The following LRP2 variants were observed in gnomAD, a reference collection of about 807,000 sequenced individuals.
The protein encoded by LRP2 is LDL receptor related protein 2, also known as low-density lipoprotein receptor-related protein 2.
LRP2 carries 172 observed loss-of-function variants against 531.0 expected under a neutral mutation model. The observed-to-expected ratio is 0.32, with a 90% confidence interval of 0.29 to 0.37. The LOEUF (loss-of-function observed/expected upper bound fraction) is 0.37, where lower values mean the gene tolerates loss of function less well. Ranked by LOEUF, LRP2 falls within the 10% of genes least tolerant of loss-of-function variation. The pLI is 1.00. For synonymous variants in LRP2, 1,992 were observed against 2,027.6 expected (o/e 0.98, Z 0.47); for missense variants, 5,167 against 5,868.3 (o/e 0.88, Z 3.90).
chr2:169,232,085 C>G (rs1367197427), intron 30 of LRP2, among the ~76,000 whole-genome samples: 1 of 152,080 alleles, frequency 6.6e-6, no homozygotes, highest in East Asian at 1.9e-4. Flanking sequence ...CTCAAGGTTA[C>G]AGATCAATCC....
intron 14 of LRP2, 26 bp downstream of exon 14, chr2:169,275,010 A>G (rs769359363): frequency 1.7e-5 from 27 of 1,606,030 alleles, no homozygotes; most frequent in Non-Finnish European, 2.2e-5. Flanking sequence ...GGTACCAAGC[A>G]TGGTTACCAC....
At chr2:169,196,872 C>T (rs1411860536) in intron 46 of LRP2, 39 bp downstream of exon 46, 1 of 1,613,414 alleles carries the variant, frequency 6.2e-7, no homozygotes, top group South Asian at 1.1e-5. Flanking sequence ...AGTTGTCTAG[C>T]TGCATCGTGA....
At chr2:169,302,572 A>G (rs1684311986) in intron 4 of LRP2, among the ~76,000 whole-genome samples, 1 of 152,152 alleles carries the variant, frequency 6.6e-6, no homozygotes, top group Admixed American at 6.6e-5. Flanking sequence ...ACAATGCACA[A>G]GAAAGAACTG....
At chr2:169,358,194 G>C (rs574841776) in intron 1 of LRP2, among the ~76,000 whole-genome samples, 110 of 152,184 alleles carry the variant, frequency 7.2e-4, no homozygotes, top group Non-Finnish European at 1.2e-3. Flanking sequence ...AAACAGGCTG[G>C]GGACATTCAG....
intron 16 of LRP2, among the ~76,000 whole-genome samples, chr2:169,260,664 C>T (rs1338145780): frequency 6.6e-6 from 1 of 151,950 alleles, no homozygotes; most frequent in Non-Finnish European, 1.5e-5. Flanking sequence ...TTGGTCTTTC[C>T]CTCATTCCCC....
rs5836221 is a variant in LRP2 at position 169,179,720 on chromosome 2, CAA to C, written c.10170-1696_10170-1695del. Among the ~76,000 whole-genome samples the C allele has an allele frequency of 6.2e-5, 9 of 146,228 alleles. No homozygotes were observed. In the South Asian group the frequency reaches 8.9e-4, roughly 15 times the overall value. Reference sequence around the variant, plus strand: ...GGGCAACAAGAGCGAATTTCCATCTCAAAAAAAAAAAGTAAGAGTAGAACTAC... The same window carrying C: ...GGGCAACAAGAGCGAATTTCCATCTCAAAAAAAAAGTAAGAGTAGAACTAC... On this transcript the variant is annotated intron_variant, in intron 52 of 78. Coordinates refer to ENST00000649046, the MANE Select transcript of LRP2 (RefSeq NM_004525.3).
Position 169,175,185 on chromosome 2 carries a change from C to G in LRP2, c.10768+8G>C, listed in dbSNP as rs1687146150. ...TCGGAAAAAGAGGCATAAAGCGACTCAACACACCACAAAGAAGACGGTCTT... is the reference window on the plus strand; with the variant it reads ...TCGGAAAAAGAGGCATAAAGCGACTGAACACACCACAAAGAAGACGGTCTT... On this transcript the variant is annotated splice_region_variant and intron_variant, in intron 55 of 78. Coordinates refer to ENST00000649046, the MANE Select transcript of LRP2 (RefSeq NM_004525.3). 2 of 1,613,850 alleles carry G rather than the reference C, an allele frequency of 1.2e-6. No homozygotes were observed. The highest frequency in any genetic ancestry group is 2.7e-5 in the African/African-American group (2 of 74,900).
Position 169,233,443 on chromosome 2 carries a change from A to G in LRP2, c.5066T>C (p.Ile1689Thr), listed in dbSNP as rs756885548. ...TTGTTTCGAAGGATGAACCGCAACAATCCCAAGGGGCCATTGAATATTATA... is the reference window on the plus strand; with the variant it reads ...TTGTTTCGAAGGATGAACCGCAACAGTCCCAAGGGGCCATTGAATATTATA... The part of the protein sequence containing the change: ...VMYNIQWPLG[I>T]VAVHPSKQPN... The change falls in exon 30 of 79, where the codon ATT (isoleucine) becomes ACT (threonine). Residue 1689 changes from isoleucine to threonine, a missense_variant. By Grantham distance (89) the Ile-to-Thr change is moderately conservative. Around this residue, in one of 6 missense-constraint regions of LRP2, gnomAD observed 2,811 missense variants for 3,058.0 expected, o/e 0.92. Coordinates refer to ENST00000649046, the MANE Select transcript of LRP2 (RefSeq NM_004525.3). 6 of 1,614,078 alleles carry G rather than the reference A, an allele frequency of 3.7e-6. No individual in the cohort carries two copies. The highest frequency in any genetic ancestry group is 5.1e-6 in the Non-Finnish European group (6 of 1,180,042).
chr2:169,327,189 G>A (rs1201607880), intron 1 of LRP2, among the ~76,000 whole-genome samples: 9 of 140,202 alleles, frequency 6.4e-5, no homozygotes, highest in Admixed American at 2.1e-4. Flanking sequence ...AGGTGGGGGG[G>A]TCAGCCCCCC....
intron 13 of LRP2, among the ~76,000 whole-genome samples, chr2:169,275,936 T>G (rs1013366593): frequency 2.6e-5 from 4 of 151,858 alleles, no homozygotes; most frequent in Non-Finnish European, 5.9e-5. Flanking sequence ...CCATAAACAA[T>G]GATTCAGTTA....
At chr2:169,194,252 C>T (rs1335334858) in intron 46 of LRP2, among the ~76,000 whole-genome samples, 3 of 152,136 alleles carry the variant, frequency 2.0e-5, no homozygotes, top group Non-Finnish European at 2.9e-5. Flanking sequence ...TTGTTTTGTG[C>T]AAAGTCTCCC....
At chr2:169,315,280 G>C (rs377485412) in intron 3 of LRP2, among the ~76,000 whole-genome samples, 3 of 152,252 alleles carry the variant, frequency 2.0e-5, no homozygotes, top group Admixed American at 6.5e-5. Context: ...TAGTCTTCTA[G>C]GGGACACTAA....
rs751817256 is a variant in LRP2, at chr2:169,279,556, C to G, written c.1381G>C (p.Val461Leu). Residue 461 changes from valine (V) to leucine (L), a missense_variant, in exon 12 of 79, where the codon GTT (valine) becomes CTT (leucine). By Grantham distance (32) the Val-to-Leu change is conservative. Around this residue, in one of 6 missense-constraint regions of LRP2, gnomAD observed 2,811 missense variants for 3,058.0 expected, o/e 0.92. Transcript: ENST00000649046. ...GGGGTTTCAACAGAAACATTGAGAA[C>G]CTCTTGGATATTTAAACCATTAATG... is the stretch of plus-strand genomic sequence containing the variant. ...VDINGLNIQEVLNVSVETPEN... is the reference protein window; with the variant it reads ...VDINGLNIQELLNVSVETPEN... 4 of 1,613,684 alleles carry G rather than the reference C, an allele frequency of 2.5e-6. No individual in the cohort carries two copies. The African/African-American group carries it at 4.0e-5, about 16-fold the overall frequency.
Position 169,204,225 on chromosome 2 carries a change from T to C in LRP2, c.7762A>G (p.Ile2588Val), listed in dbSNP as rs748670392. ...AAAGCATGAACGGCTGCATTGACAA[T>C]GACTTCACGATCCACGCCCGTCAGA... ...STLTGVDREVIVNAAVHAFGL... is the reference protein window; with the variant it reads ...STLTGVDREVVVNAAVHAFGL... Residue 2588 changes from isoleucine to valine, a missense_variant, in exon 42 of 79, where the codon ATT becomes GTT. Physicochemically the swap from Ile to Val is conservative, Grantham distance 29 (BLOSUM62 3). This residue lies in a region of LRP2 where 1,129 missense variants were observed against 1,362.7 expected (regional missense o/e 0.83). Transcript: ENST00000649046. 3 of 1,614,090 alleles carry C rather than the reference T, an allele frequency of 1.9e-6. No homozygotes were observed. The highest frequency in any genetic ancestry group is 2.5e-6 in the Non-Finnish European group (3 of 1,180,018).
rs1196519126 is a variant in LRP2, at chr2:169,362,374, G to C, written c.26C>G (p.Ala9Gly). ...GACGAGAGCCAGGAGCAGCGTGCACGCCACTGCTGCCGGCCCGCGATCCAT... is the reference window on the plus strand; with the variant it reads ...GACGAGAGCCAGGAGCAGCGTGCACCCCACTGCTGCCGGCCCGCGATCCAT... MDRGPAAV[A>G]CTLLLALVAC... Residue 9 changes from alanine (A) to glycine (G), a missense_variant, in exon 1 of 79, where the codon GCG becomes GGG. Ala to Gly is a moderately conservative substitution (Grantham distance 60). This residue lies in a region of LRP2 where 2,811 missense variants were observed against 3,058.0 expected (regional missense o/e 0.92). Transcript: ENST00000649046. 2 of 1,568,362 alleles carry C rather than the reference G, an allele frequency of 1.3e-6. No individual in the cohort carries two copies. Among genetic ancestry groups the C allele is most frequent in the African/African-American group, 1.4e-5 (1 of 73,766 alleles).
At chr2:169,242,761 A>G (rs551588424) in intron 24 of LRP2, among the ~76,000 whole-genome samples, 195 bp downstream of exon 24, 186 of 152,312 alleles carry the variant, frequency 1.2e-3, no homozygotes, top group African/African-American at 4.1e-3. Flanking sequence ...CATTTATACA[A>G]CCACTTGATT....
chr2:169,355,427 T>C (rs1685962662), intron 1 of LRP2, among the ~76,000 whole-genome samples: 3 of 152,150 alleles, frequency 2.0e-5, no homozygotes, highest in Admixed American at 2.0e-4. Flanking sequence ...TTCACCATTC[T>C]CCCAATAATT....
intron 44 of LRP2, among the ~76,000 whole-genome samples, chr2:169,200,356 C>T (rs576400674): frequency 3.3e-5 from 5 of 152,278 alleles, no homozygotes; most frequent in Admixed American, 1.3e-4. Flanking sequence ...CAACTCAACC[C>T]TGTGATAATT....
Position 169,169,726 on chromosome 2 carries a change from CCAAA to C in LRP2, c.11469_11472del (p.Cys3823TrpfsTer159), listed in dbSNP as rs80338753. On this transcript the variant is annotated frameshift_variant, in exon 60 of 79. Transcript: ENST00000649046. LOFTEE classifies it high-confidence loss of function. ...CGACAATCAGCTTCATCAGACGCAT[CCAAA>C]CAGTCAGCGGATCCATCGCATTTCA... 3 of 1,614,030 alleles carry C rather than the reference CCAAA, an allele frequency of 1.9e-6. No individual in the cohort carries two copies. The highest frequency in any genetic ancestry group is 1.7e-6 in the Non-Finnish European group (2 of 1,179,976).
Sources: allele counts gnomAD v4.1 joint callset (sites outside exome capture counted in the v4.1 genomes callset), GRCh38; gene constraint gnomAD v4.1.1; regional missense constraint gnomAD v4.1.1; transcripts MANE v1.5; gene names NCBI Gene and HGNC (gene_info 2026-07-23, HGNC 2026-07-21).